Variants in MYO3A observed in about 807,000 individuals in gnomAD.
MYO3A encodes myosin-IIIa.
In MYO3A, 180 loss-of-function variants were observed where a neutral mutation model predicts 192.7. That is an observed-to-expected ratio of 0.93 (90% CI 0.83 to 1.06). The LOEUF is 1.06. Ranked by LOEUF, MYO3A falls within the 50% of genes least tolerant of loss-of-function variation. MYO3A has a pLI of 0.00. For missense variants in MYO3A, 1,896 were observed against 1,905.0 expected (o/e 1.00, Z 0.09); for synonymous variants, 628 against 645.3 (o/e 0.97, Z 0.41).
intron 20 of MYO3A, among the ~76,000 whole-genome samples, chr10:26,137,698 T>A (rs1261787159): frequency 6.6e-6 from 1 of 152,326 alleles, no homozygotes; most frequent in South Asian, 2.1e-4. Context: ...ATCACTAAAT[T>A]ATTTTCCTAG....
At chr10:25,994,002 A>G (rs1840251681) in intron 4 of MYO3A, among the ~76,000 whole-genome samples, 1 of 152,152 alleles carries the variant, frequency 6.6e-6, no homozygotes, top group Non-Finnish European at 1.5e-5. Flanking sequence ...GATTTGGGGT[A>G]GAGAGTTCTG....
chr10:26,196,120 C>A (rs77039498), intron 32 of MYO3A, among the ~76,000 whole-genome samples: 1,662 of 152,238 alleles, frequency 0.011, 42 homozygotes, highest in African/African-American at 0.038. Flanking sequence ...TAAAAAGCAG[C>A]AAATACTCTG....
At chr10:26,108,425 C>A (rs1295448532) in intron 17 of MYO3A, among the ~76,000 whole-genome samples, 1 of 152,010 alleles carries the variant, frequency 6.6e-6, no homozygotes, top group Admixed American at 6.5e-5. Context: ...CAATTATTCT[C>A]AAAAAAATTA....
At chr10:25,996,713 A>G (rs1038086252) in intron 5 of MYO3A, 119 bp downstream of exon 5, 2 of 832,796 alleles carry the variant, frequency 2.4e-6, no homozygotes, top group African/African-American at 1.7e-5. Context: ...TGATGGAAGA[A>G]TATATGCAAA....
At chr10:26,186,501 C>T (rs539339862) in intron 31 of MYO3A, among the ~76,000 whole-genome samples, 7 of 152,202 alleles carry the variant, frequency 4.6e-5, no homozygotes, top group Admixed American at 2.6e-4. Context: ...CTCCTGACCT[C>T]GTGATCTGCC....
chr10:25,972,462 A>G (rs536551800), intron 4 of MYO3A, among the ~76,000 whole-genome samples: 22 of 151,838 alleles, frequency 1.4e-4, no homozygotes, highest in Non-Finnish European at 2.4e-4. Flanking sequence ...TCTTTTTTTC[A>G]TGTGTATGGA....
At chr10:25,946,759 A>G (rs897324971) in intron 2 of MYO3A, among the ~76,000 whole-genome samples, 3 of 151,368 alleles carry the variant, frequency 2.0e-5, no homozygotes, top group Admixed American at 2.0e-4. Flanking sequence ...GGCACCTGTA[A>G]TCCCGCTACA....
chr10:26,075,338 C>T (rs1437886519), intron 14 of MYO3A, among the ~76,000 whole-genome samples: 1 of 151,112 alleles, frequency 6.6e-6, no homozygotes, highest in Admixed American at 6.6e-5. Context: ...TAACTAAGCT[C>T]TTTAGTAGTG....
chr10:25,975,243 A>G (rs1044389395), intron 4 of MYO3A, among the ~76,000 whole-genome samples: 15 of 152,228 alleles, frequency 9.9e-5, no homozygotes, highest in Non-Finnish European at 8.8e-5. Context: ...GAAGGCCCTC[A>G]GTGCATGCAG....
At chr10:25,949,081 AACTGCTTTTCAC>A (rs1837039925) in intron 2 of MYO3A, among the ~76,000 whole-genome samples, 1 of 152,108 alleles carries the variant, frequency 6.6e-6, no homozygotes, top group Admixed American at 6.5e-5. Context: ...GTTCAGAATA[AACTGCTTTTCAC>A]CTGGGCTATT....
intron 20 of MYO3A, among the ~76,000 whole-genome samples, chr10:26,137,409 C>G (rs1839914965): frequency 6.6e-6 from 1 of 152,162 alleles, no homozygotes. Context: ...TTTCTTATGC[C>G]TGTCTTACTT....
intron 3 of MYO3A, among the ~76,000 whole-genome samples, chr10:25,952,967 T>C (rs994857120): frequency 6.6e-5 from 10 of 151,676 alleles, no homozygotes; most frequent in African/African-American, 2.4e-4. Context: ...TGAGATTCTA[T>C]CTTCTGGTAA....
intron 23 of MYO3A, among the ~76,000 whole-genome samples, chr10:26,149,036 C>G (rs747181008): frequency 3.3e-5 from 5 of 152,038 alleles, no homozygotes; most frequent in African/African-American, 9.7e-5. Context: ...GGACAGGTTG[C>G]AAGAGTGAAC....
chr10:26,192,655 C>T (rs1299901269), intron 31 of MYO3A, among the ~76,000 whole-genome samples: 5 of 130,926 alleles, frequency 3.8e-5, no homozygotes, highest in African/African-American at 8.7e-5. Flanking sequence ...CCTTTCTTTC[C>T]TTTTTTTTTT....
intron 15 of MYO3A, among the ~76,000 whole-genome samples, chr10:26,095,209 C>G (rs7894273): frequency 0.48 from 73,101 of 152,000 alleles, 18,298 homozygotes; most frequent in Middle Eastern, 0.59. Flanking sequence ...GGTGGGATGA[C>G]AGTTTTATAC....
intron 10 of MYO3A, among the ~76,000 whole-genome samples, chr10:26,042,909 T>C (rs575307799): frequency 1.3e-5 from 2 of 152,306 alleles, no homozygotes; most frequent in Admixed American, 1.3e-4. Context: ...GAGTTAGCTA[T>C]TTCTGGTAGT....
chr10:26,060,265 A>C (rs2131335322), intron 10 of MYO3A, among the ~76,000 whole-genome samples: 1 of 114,320 alleles, frequency 8.7e-6, no homozygotes, highest in Non-Finnish European at 2.1e-5. Context: ...ATCTCAATAA[A>C]TAAATAAATA....
intron 10 of MYO3A, among the ~76,000 whole-genome samples, chr10:26,029,396 G>A (rs950662528): frequency 1.3e-5 from 2 of 152,064 alleles, no homozygotes; most frequent in Admixed American, 6.5e-5. Context: ...TTGGAACCTC[G>A]TATTTTACCT....
chr10:26,091,013 CCTCT>C (rs1315781866), intron 15 of MYO3A, among the ~76,000 whole-genome samples: 3 of 152,184 alleles, frequency 2.0e-5, no homozygotes, highest in Admixed American at 1.3e-4. Context: ...AACATCCCAG[CCTCT>C]CTCTCCTTCA....
Sources: allele counts gnomAD v4.1 joint callset (sites outside exome capture counted in the v4.1 genomes callset), GRCh38; gene constraint gnomAD v4.1.1; transcripts MANE v1.5; gene names NCBI Gene and HGNC (gene_info 2026-07-23, HGNC 2026-07-21).